Variants in TENM4 observed in about 807,000 individuals in gnomAD.
TENM4 encodes the protein teneurin transmembrane protein 4, also known as teneurin-4.
A neutral mutation model predicts 243.3 loss-of-function variants in TENM4; 82 were observed. The observed-to-expected ratio is 0.34, with a 90% CI of 0.28 to 0.40. The LOEUF is 0.40. TENM4 is among the 10% of genes least tolerant of loss of function. The pLI is 1.00. For synonymous variants in TENM4, 1,412 were observed against 1,456.3 expected, an observed-to-expected ratio of 0.97 and a Z score of 0.69; for missense variants, 3,138 against 3,673.3, an observed-to-expected ratio of 0.85 and a Z score of 3.77.
Position 79,239,187 on chromosome 11 carries a change from T to C in TENM4, c.-264-23278A>G, listed in dbSNP as rs190984174. ...CCACATTTTATGTTTCCTCTGCACC[T>C]CCACAGAGCCTTGTGCTCATCAGAT... On this transcript the variant is annotated intron_variant, in intron 2 of 33. Transcript: ENST00000278550. Among the ~76,000 whole-genome samples, 20 of 152,356 alleles carry C rather than the reference T, an allele frequency of 1.3e-4. 1 individual carries two copies. The highest frequency in any genetic ancestry group is 1.0e-3 in the Admixed American group (16 of 15,304).
At chr11:79,126,200 G>T (rs1170616125) in intron 4 of TENM4, among the ~76,000 whole-genome samples, 2 of 152,210 alleles carry the variant, frequency 1.3e-5, no homozygotes, top group Non-Finnish European at 2.9e-5. Flanking sequence ...TAGAGGAAGG[G>T]ATCCAAAGGC....
At chr11:78,999,591 T>C (rs1462990657) in intron 6 of TENM4, among the ~76,000 whole-genome samples, 1 of 152,090 alleles carries the variant, frequency 6.6e-6, no homozygotes, top group Non-Finnish European at 1.5e-5. Context: ...AACAACAATC[T>C]TCATAAGTGA....
At chr11:79,302,828 T>C (rs17755728) in intron 1 of TENM4, among the ~76,000 whole-genome samples, 23,135 of 152,012 alleles carry the variant, frequency 0.15, 1,855 homozygotes, top group African/African-American at 0.18. Flanking sequence ...TTGACCTAAT[T>C]TGGACTCTTC....
In TENM4 at chr11:78,708,453, C is replaced by T. The variant is rs539542652; in HGVS notation, c.4117G>A (p.Asp1373Asn). Residue 1373 changes from aspartate (D) to asparagine (N), a missense_variant, in exon 27 of 34, where the codon GAT becomes AAT. Asp to Asn is a conservative substitution (Grantham distance 23). Transcript: ENST00000278550. ...AGGGTGGAGATGATCCCATTCTGAT[C>T]GATGCGTCTGATCATGGTGCCATCC... is the stretch of plus-strand genomic sequence containing the variant. ...FVDGTMIRRI[D>N]QNGIISTLLG... is the part of the protein sequence containing the mutation. 1.9e-5 allele frequency: 30 copies of T among 1,614,026 alleles called. No homozygotes were observed. Among genetic ancestry groups the T allele is most frequent in the African/African-American group, 2.7e-5 (2 of 75,042 alleles).
At chr11:79,365,865 A>G (rs1426209018) in intron 1 of TENM4, among the ~76,000 whole-genome samples, 1 of 152,176 alleles carries the variant, frequency 6.6e-6, no homozygotes, top group Admixed American at 6.5e-5. Context: ...AGGCAAGGGT[A>G]GAAAAAACCT....
intron 1 of TENM4, among the ~76,000 whole-genome samples, chr11:79,392,183 A>C (rs1858248313): frequency 1.3e-5 from 2 of 152,196 alleles, no homozygotes; most frequent in African/African-American, 4.8e-5. Context: ...TGGGTCTCAG[A>C]GCGGAAACCT....
intron 1 of TENM4, among the ~76,000 whole-genome samples, chr11:79,386,908 C>T (rs558520391): frequency 1.3e-5 from 2 of 152,182 alleles, no homozygotes; most frequent in East Asian, 3.9e-4. Context: ...AACCCAGAAA[C>T]TCCACCCCAA....
intron 5 of TENM4, among the ~76,000 whole-genome samples, chr11:79,066,531 G>T (rs1860251444): frequency 1.3e-5 from 2 of 152,148 alleles, no homozygotes; most frequent in Non-Finnish European, 2.9e-5. Flanking sequence ...CCCTGTAAAA[G>T]TTAGGTAACC....
At chr11:79,119,750 C>T (rs1861702163) in intron 4 of TENM4, among the ~76,000 whole-genome samples, 1 of 152,142 alleles carries the variant, frequency 6.6e-6, no homozygotes, top group African/African-American at 2.4e-5. Flanking sequence ...CTCTTCACAC[C>T]CTGAGACTGG....
At chr11:78,982,066 GCTTCTTCAA>G (rs1010457123) in intron 6 of TENM4, among the ~76,000 whole-genome samples, 1 of 152,168 alleles carries the variant, frequency 6.6e-6, no homozygotes, top group Admixed American at 6.6e-5. Flanking sequence ...TGAGGCTTTT[GCTTCTTCAA>G]CCGATAAGTA....
At chr11:78,842,993 G>A (rs569041200) in intron 12 of TENM4, among the ~76,000 whole-genome samples, 2 of 151,898 alleles carry the variant, frequency 1.3e-5, no homozygotes, top group Non-Finnish European at 2.9e-5. Context: ...GGGTAACATA[G>A]AGAGGCCAGG....
chr11:78,762,040 C>T (rs7102408), intron 18 of TENM4, among the ~76,000 whole-genome samples: 41,200 of 152,032 alleles, frequency 0.27, 7,156 homozygotes, highest in African/African-American at 0.49. Context: ...CAATTTTATA[C>T]ACGAACAGTT....
intron 26 of TENM4, among the ~76,000 whole-genome samples, chr11:78,710,351 C>T (rs1859368389): frequency 6.6e-6 from 1 of 152,164 alleles, no homozygotes; most frequent in African/African-American, 2.4e-5. Context: ...ACGTGTCTCT[C>T]ACTGGCCAGC....
intron 6 of TENM4, among the ~76,000 whole-genome samples, chr11:78,973,658 G>C (rs1216250481): frequency 6.6e-6 from 1 of 151,972 alleles, no homozygotes; most frequent in African/African-American, 2.4e-5. Context: ...TTACATTCTA[G>C]TGAAAGAAAA....
chr11:78,844,007 G>C (rs1421746564), intron 12 of TENM4, among the ~76,000 whole-genome samples: 2 of 152,206 alleles, frequency 1.3e-5, no homozygotes, highest in Non-Finnish European at 2.9e-5. Flanking sequence ...CATGTTCCCT[G>C]TCTTGTCAGG....
Position 78,862,333 on chromosome 11 carries a change from A to G in TENM4, c.1255+629T>C, listed in dbSNP as rs2136221740. ...AATTCTAGTTTCTATATCTAGAATA[A>G]TTATAAAATAATTATCTTACAGGAT... On this transcript the variant is annotated intron_variant, in intron 10 of 33. Transcript: ENST00000278550. Among the ~76,000 whole-genome samples, 3 of 152,316 alleles carry G rather than the reference A, an allele frequency of 2.0e-5. No homozygotes were observed. The South Asian group carries it at 6.2e-4, about 32-fold the overall frequency.
rs1004491698 is a variant in TENM4 at position 78,974,100 on chromosome 11, C to T, written c.494-70577G>A. Reference sequence around the variant, plus strand: ...GGGCCAGGTTAAAGATGTGCAAATACTGCAAACTAAAGGTCAGGATGCCTG... The same window carrying T: ...GGGCCAGGTTAAAGATGTGCAAATATTGCAAACTAAAGGTCAGGATGCCTG... On this transcript the variant is annotated intron_variant, in intron 6 of 33. Coordinates refer to ENST00000278550, the MANE Select transcript of TENM4 (RefSeq NM_001098816.3). 1.4e-4 allele frequency among the ~76,000 whole-genome samples: 22 copies of T among 152,278 alleles called. 1 individual carries two copies. The highest frequency in any genetic ancestry group is 1.3e-3 in the Admixed American group (20 of 15,292).
intron 4 of TENM4, among the ~76,000 whole-genome samples, chr11:79,123,089 A>G (rs1861776644): frequency 6.6e-6 from 1 of 152,144 alleles, no homozygotes; most frequent in Admixed American, 6.5e-5. Context: ...GAATATGAGA[A>G]TCTTCAGTCT....
intron 7 of TENM4, among the ~76,000 whole-genome samples, chr11:78,896,361 GA>G (rs573776396): frequency 3.3e-5 from 5 of 149,960 alleles, no homozygotes; most frequent in African/African-American, 7.4e-5. Flanking sequence ...CAAATGAATG[GA>G]AAAAAAAATG....
Sources: gnomAD v4.1 joint callset for allele counts (sites outside exome capture counted in the v4.1 genomes callset) on GRCh38, gnomAD v4.1.1 for gene constraint, MANE v1.5 for transcripts, NCBI Gene and HGNC (gene_info 2026-07-23, HGNC 2026-07-21) for gene names.